KCNJ6: variants seen among roughly 807,000 people sequenced by gnomAD.
KCNJ6 encodes potassium inwardly rectifying channel subfamily J member 6.
Under a neutral mutation model 34.2 loss-of-function variants are expected in KCNJ6, and 9 were observed. The observed-to-expected ratio is 0.26, with a 90% CI of 0.16 to 0.46. KCNJ6 has a LOEUF of 0.46. Among genes scored for constraint, KCNJ6 ranks in the 20% least tolerant of loss-of-function variants. KCNJ6 has a pLI of 1.00. For synonymous variants in KCNJ6, 196 were observed against 207.1 expected (o/e 0.95, Z 0.46); for missense variants, 236 against 531.3 (o/e 0.44, Z 5.46).
chr21:37,679,219 T>C (rs1445023430), intron 3 of KCNJ6, among the ~76,000 whole-genome samples: 2 of 152,176 alleles, frequency 1.3e-5, no homozygotes, highest in African/African-American at 2.4e-5. Context: ...AACATCTTGA[T>C]TGCAACCTCA....
chr21:37,706,205 G>A lies in KCNJ6; in HGVS notation c.946+8006C>T, dbSNP rs143148011. On this transcript the variant is annotated intron_variant, in intron 3 of 3. Coordinates refer to ENST00000609713, the MANE Select transcript of KCNJ6 (RefSeq NM_002240.5). ...AGAATAGGGAAATGCAATCTAATAC[G>A]TGTCTGAAAGGATGAAAGCTGGGAA... Among the ~76,000 whole-genome samples the A allele has an allele frequency of 3.7e-3, 557 of 152,314 alleles. 1 individual carries two copies. Among genetic ancestry groups the A allele is most frequent in the African/African-American group, 0.013 (529 of 41,560 alleles).
chr21:37,820,792 A>G (rs2055369753), intron 2 of KCNJ6, among the ~76,000 whole-genome samples: 1 of 152,242 alleles, frequency 6.6e-6, no homozygotes, highest in Non-Finnish European at 1.5e-5. Flanking sequence ...AGCTTAGGAT[A>G]TAAGAACTTA....
At chr21:37,767,790 T>C (rs183183876) in intron 2 of KCNJ6, among the ~76,000 whole-genome samples, 3 of 152,352 alleles carry the variant, frequency 2.0e-5, no homozygotes, top group Non-Finnish European at 4.4e-5. Flanking sequence ...CTCCCTCCAA[T>C]AGTCCTAAAA....
intron 2 of KCNJ6, among the ~76,000 whole-genome samples, chr21:37,738,739 G>C (rs1182014536): frequency 6.6e-6 from 1 of 152,176 alleles, no homozygotes; most frequent in Non-Finnish European, 1.5e-5. Flanking sequence ...GACCAGAAGA[G>C]ATTTGGTTTG....
At chr21:37,629,152 TAAAG>T (rs1383555839) in intron 3 of KCNJ6, among the ~76,000 whole-genome samples, 1 of 152,124 alleles carries the variant, frequency 6.6e-6, no homozygotes, top group African/African-American at 2.4e-5. Context: ...CATGAAGAAA[TAAAG>T]AACACTGGAA....
At chr21:37,748,936 G>A (rs1276110371) in intron 2 of KCNJ6, among the ~76,000 whole-genome samples, 1 of 152,150 alleles carries the variant, frequency 6.6e-6, no homozygotes, top group Non-Finnish European at 1.5e-5. Flanking sequence ...GCACTGTGCT[G>A]TCTTAATAGG....
At chr21:37,745,723 A>G (rs1003051740) in intron 2 of KCNJ6, among the ~76,000 whole-genome samples, 1 of 152,222 alleles carries the variant, frequency 6.6e-6, no homozygotes, top group Non-Finnish European at 1.5e-5. Context: ...CACACTGAAC[A>G]CCTGCTATGT....
At chr21:37,691,265 G>A (rs2054638445) in intron 3 of KCNJ6, among the ~76,000 whole-genome samples, 1 of 152,188 alleles carries the variant, frequency 6.6e-6, no homozygotes, top group Non-Finnish European at 1.5e-5. Context: ...AGGCTCAGGT[G>A]TAGGGGGGCC....
At chr21:37,773,197 A>G (rs971497829) in intron 2 of KCNJ6, among the ~76,000 whole-genome samples, 2 of 152,140 alleles carry the variant, frequency 1.3e-5, no homozygotes, top group Non-Finnish European at 1.5e-5. Flanking sequence ...TAGGTTGCCC[A>G]CATGGGATGG....
At chr21:37,627,670 C>T (rs1331977714) in intron 3 of KCNJ6, among the ~76,000 whole-genome samples, 1 of 152,158 alleles carries the variant, frequency 6.6e-6, no homozygotes, top group Non-Finnish European at 1.5e-5. Flanking sequence ...CTTTGGAAAG[C>T]TCTGACATAT....
chr21:37,889,034 C>G (rs546731659), intron 1 of KCNJ6, among the ~76,000 whole-genome samples: 3 of 152,344 alleles, frequency 2.0e-5, no homozygotes, highest in African/African-American at 7.2e-5. Flanking sequence ...TCCCCAAACC[C>G]ACTTGCTGTC....
intron 3 of KCNJ6, among the ~76,000 whole-genome samples, chr21:37,706,808 G>A (rs908008680): frequency 2.4e-4 from 37 of 152,140 alleles, no homozygotes; most frequent in Admixed American, 7.9e-4. Context: ...AATATTATTT[G>A]GTTAACAGCA....
chr21:37,802,047 T>G (rs900508240), intron 2 of KCNJ6, among the ~76,000 whole-genome samples: 1 of 152,150 alleles, frequency 6.6e-6, no homozygotes, highest in African/African-American at 2.4e-5. Flanking sequence ...CTTAGTTATT[T>G]CCACAGAAAC....
intron 3 of KCNJ6, among the ~76,000 whole-genome samples, chr21:37,709,195 A>C (rs2054736979): frequency 6.6e-6 from 1 of 152,244 alleles, no homozygotes; most frequent in South Asian, 2.1e-4. Flanking sequence ...AGGGCACATT[A>C]ATACCAGTCA....
At chr21:37,882,991 T>C (rs1037054668) in intron 1 of KCNJ6, among the ~76,000 whole-genome samples, 1 of 152,238 alleles carries the variant, frequency 6.6e-6, no homozygotes, top group Non-Finnish European at 1.5e-5. Context: ...CATGTGTGTA[T>C]GCTCATGTGC....
intron 3 of KCNJ6, among the ~76,000 whole-genome samples, chr21:37,635,991 C>T (rs1479845694): frequency 6.6e-6 from 1 of 152,130 alleles, no homozygotes; most frequent in African/African-American, 2.4e-5. Flanking sequence ...TTTTCAGAAC[C>T]ATTAACTATT....
At chr21:37,883,158 A>G (rs2055718490) in intron 1 of KCNJ6, among the ~76,000 whole-genome samples, 1 of 152,068 alleles carries the variant, frequency 6.6e-6, no homozygotes, top group South Asian at 2.1e-4. Flanking sequence ...GAGTTGCTTC[A>G]CCTCCTTATG....
In KCNJ6 at chr21:37,625,075, AAG is replaced by A; in HGVS notation, c.*82_*83del. 2 of 1,023,314 alleles carry A rather than the reference AAG, an allele frequency of 2.0e-6. No individual in the cohort carries two copies. Among genetic ancestry groups the A allele is most frequent in the Non-Finnish European group, 2.9e-6 (2 of 685,392 alleles). 63.4% of individuals were successfully genotyped at this position (1,023,314 alleles called of 1,614,324 possible). On this transcript the variant is annotated 3_prime_UTR_variant, in exon 4 of 4. Transcript: ENST00000609713. ...AATATAAACAAATAAAGAACAAAGC[AAG>A]AGAGACAGAAAAAGAAAGAGAATGA...
chr21:37,750,244 G>A (rs2054988547), intron 2 of KCNJ6, among the ~76,000 whole-genome samples: 1 of 152,192 alleles, frequency 6.6e-6, no homozygotes, highest in South Asian at 2.1e-4. Flanking sequence ...TGCTGGAGAG[G>A]ATGTGGAGAA....
Sources: gnomAD v4.1 joint callset for allele counts (sites outside exome capture counted in the v4.1 genomes callset) on GRCh38, gnomAD v4.1.1 for gene constraint, MANE v1.5 for transcripts, NCBI Gene and HGNC (gene_info 2026-07-23, HGNC 2026-07-21) for gene names.